RBPJ: variants seen among roughly 807,000 people sequenced by gnomAD.
RBPJ encodes the protein recombining binding protein suppressor of hairless.
Under a neutral mutation model 67.8 loss-of-function variants are expected in RBPJ, and 9 were observed. The observed-to-expected ratio is 0.13, with a 90% confidence interval of 0.08 to 0.23. The LOEUF (loss-of-function observed/expected upper bound fraction) is 0.23. Among genes scored for constraint, RBPJ ranks in the 10% least tolerant of loss-of-function variants. The pLI, the probability that RBPJ is intolerant of heterozygous loss-of-function variation, is 1.00. For missense variants in RBPJ, 305 were observed against 595.6 expected, an observed-to-expected ratio of 0.51 and a Z score of 5.08; for synonymous variants, 198 against 203.3, an observed-to-expected ratio of 0.97 and a Z score of 0.22.
intron 1 of RBPJ, among the ~76,000 whole-genome samples, chr4:26,255,598 C>T (rs6828878): frequency 0.26 from 38,344 of 148,672 alleles, 5,728 homozygotes; most frequent in African/African-American, 0.41. Flanking sequence ...GTCGGGAGAT[C>T]GAGACCATCC....
Position 26,250,048 on chromosome 4 carries a change from AGTGCT to A in RBPJ, c.-167+86436_-167+86440del, listed in dbSNP as rs529924531. 2.6e-3 allele frequency among the ~76,000 whole-genome samples: 389 copies of A among 151,946 alleles called. 1 individual carries two copies. The highest frequency in any genetic ancestry group is 4.4e-3 in the Non-Finnish European group (296 of 67,936). ...TGGTCCCCCCGCCACGGCCTCCCAA[AGTGCT>A]GGGATTACAGGTGTGAGCCACCGCG... On this transcript the variant is annotated intron_variant, in intron 1 of 4. Coordinates refer to the RBPJ transcript ENST00000512351.
intron 1 of RBPJ, among the ~76,000 whole-genome samples, chr4:26,294,303 T>C (rs1397310605): frequency 6.6e-6 from 1 of 151,918 alleles, no homozygotes; most frequent in Non-Finnish European, 1.5e-5. Context: ...TTCACCATCT[T>C]GGCCAGGCTA....
intron 1 of RBPJ, among the ~76,000 whole-genome samples, chr4:26,307,522 C>T (rs1344400334): frequency 2.0e-5 from 3 of 152,082 alleles, no homozygotes; most frequent in Non-Finnish European, 4.4e-5. Flanking sequence ...TCAGTGTTTG[C>T]TGGTGAAGGA....
At chr4:26,288,985 T>C (rs552334185) in intron 1 of RBPJ, among the ~76,000 whole-genome samples, 2 of 151,328 alleles carry the variant, frequency 1.3e-5, no homozygotes, top group South Asian at 2.1e-4. Flanking sequence ...ATTAGGAAGA[T>C]TGACTATTCC....
chr4:26,384,239 C>T (rs1466444204), intron 1 of RBPJ, among the ~76,000 whole-genome samples: 2 of 152,058 alleles, frequency 1.3e-5, no homozygotes, highest in African/African-American at 4.8e-5. Context: ...GGTTATTTGC[C>T]CATTTTTTGT....
chr4:26,161,819 G>A (rs532785147), upstream of RBPJ, among the ~76,000 whole-genome samples: 92 of 152,340 alleles, frequency 6.0e-4, no homozygotes, highest in South Asian at 0.012. Flanking sequence ...TGGTAGGGAG[G>A]AGGGGGCATG....
intron 2 of RBPJ, among the ~76,000 whole-genome samples, chr4:26,391,040 G>A (rs1731446357): frequency 6.6e-6 from 1 of 152,226 alleles, no homozygotes; most frequent in Non-Finnish European, 1.5e-5. Context: ...CTAGATGACA[G>A]AGCGAGACCC....
At chr4:26,378,856 A>G (rs558487599) in intron 1 of RBPJ, among the ~76,000 whole-genome samples, 29 of 152,124 alleles carry the variant, frequency 1.9e-4, no homozygotes, top group Middle Eastern at 6.8e-3. Context: ...GTGAAACCCT[A>G]TCTCTACAAA....
At chr4:26,361,674 T>C (rs896348175) in intron 1 of RBPJ, among the ~76,000 whole-genome samples, 2 of 152,220 alleles carry the variant, frequency 1.3e-5, no homozygotes, top group African/African-American at 4.8e-5. Flanking sequence ...TGATCAGTTA[T>C]CAGTTTTACT....
intron 1 of RBPJ, among the ~76,000 whole-genome samples, chr4:26,220,634 G>A (rs1423255567): frequency 6.6e-6 from 1 of 152,172 alleles, no homozygotes; most frequent in Non-Finnish European, 1.5e-5. Flanking sequence ...AGAACTGAAG[G>A]ATTCAGACTG....
intron 1 of RBPJ, among the ~76,000 whole-genome samples, chr4:26,291,467 A>G (rs1181455684): frequency 6.6e-6 from 1 of 151,050 alleles, no homozygotes; most frequent in Non-Finnish European, 1.5e-5. Context: ...TCAAATTGTC[A>G]TGTGGGAAAT....
upstream of RBPJ, among the ~76,000 whole-genome samples, chr4:26,315,167 A>AATATAT (rs67496694): frequency 1.3e-3 from 95 of 74,734 alleles, 2 homozygotes; most frequent in African/African-American, 3.1e-3. Context: ...AAAAAAAAAA[A>AATATAT]ATATATATAT....
At position 26,264,195 on chromosome 4, in the gene RBPJ, T is replaced by C. The variant is rs1268691715; in HGVS notation, c.-166-98251T>C. On this transcript the variant is annotated intron_variant, in intron 1 of 4. Coordinates refer to the RBPJ transcript ENST00000512351. The surrounding 1 kb of genome is among the most constrained non-coding windows in gnomAD (Gnocchi z 4.1). ...ACGGCGCCTGGCAGACAGATTCATT[T>C]GTGTTCACAACCTGGTCCCAATTAG... 6.6e-6 allele frequency among the ~76,000 whole-genome samples: 1 copy of C among 152,214 alleles called. No homozygotes were observed. The highest frequency in any genetic ancestry group is 1.5e-5 in the Non-Finnish European group (1 of 68,036).
intron 1 of RBPJ, among the ~76,000 whole-genome samples, chr4:26,329,036 C>G (rs955296594): frequency 3.3e-5 from 5 of 152,150 alleles, no homozygotes; most frequent in Non-Finnish European, 7.4e-5. Context: ...CTCTGTTGCC[C>G]AGGCTGGAGT....
At position 26,244,434 on chromosome 4, in the gene RBPJ, T is replaced by TGC. The variant is rs371047926; in HGVS notation, c.-167+80820_-167+80821insGC. On this transcript the variant is annotated intron_variant, in intron 1 of 4. Coordinates refer to the RBPJ transcript ENST00000512351. The stretch of plus-strand genomic sequence containing the variant: ...GTATACATATGTGTGTATATATGTA[T>TGC]ACATATGTGTGTATACATATATGTG... 6.1e-3 allele frequency among the ~76,000 whole-genome samples: 138 copies of TGC among 22,498 alleles called. 1 individual carries two copies. The highest frequency in any genetic ancestry group is 9.1e-3 in the Admixed American group (14 of 1,540). 14.8% of individuals were successfully genotyped at this position (22,498 alleles called of 152,430 possible).
At chr4:26,165,406 CT>C (rs1202962192) in intron 1 of RBPJ, among the ~76,000 whole-genome samples, 1 of 152,110 alleles carries the variant, frequency 6.6e-6, no homozygotes, top group Non-Finnish European at 1.5e-5. Context: ...AATCACTGTC[CT>C]CATTTCATAG....
At chr4:26,297,919 T>A (rs954803332) in intron 1 of RBPJ, among the ~76,000 whole-genome samples, 2 of 152,054 alleles carry the variant, frequency 1.3e-5, no homozygotes, top group South Asian at 2.1e-4. Flanking sequence ...AATTTTTTTT[T>A]AAATGCTATT....
chr4:26,352,481 C>G (rs150256437), intron 1 of RBPJ, among the ~76,000 whole-genome samples: 56 of 152,290 alleles, frequency 3.7e-4, no homozygotes, highest in African/African-American at 1.3e-3. Flanking sequence ...CACAAACATT[C>G]AAACCATAGC....
intron 1 of RBPJ, among the ~76,000 whole-genome samples, chr4:26,205,250 C>T (rs1381591777): frequency 6.6e-6 from 1 of 152,158 alleles, no homozygotes; most frequent in East Asian, 1.9e-4. Flanking sequence ...GCAGCTCCGG[C>T]CCTGTGCCAT....
Sources: gnomAD v4.1 joint callset for allele counts (sites outside exome capture counted in the v4.1 genomes callset) on GRCh38, gnomAD v4.1.1 for gene constraint, Gnocchi (gnomAD v3.1) non-coding constraint, MANE v1.5 for transcripts, NCBI Gene and HGNC (gene_info 2026-07-23, HGNC 2026-07-21) for gene names.